TMEM245: variants seen among roughly 807,000 people sequenced by gnomAD.
TMEM245 encodes protein CG-2.
Under a neutral mutation model 101.2 loss-of-function variants are expected in TMEM245, and 69 were observed. That is an observed-to-expected ratio of 0.68 (90% CI 0.56 to 0.83). TMEM245 has a LOEUF of 0.83. TMEM245 is among the 40% of genes least tolerant of loss of function. TMEM245 has a pLI of 0.00. For missense variants in TMEM245, 1,075 were observed against 1,092.8 expected, an observed-to-expected ratio of 0.98 and a Z score of 0.23; for synonymous variants, 537 against 449.8, an observed-to-expected ratio of 1.19 and a Z score of -2.45.
rs1321045416 is a variant in TMEM245, at chr9:109,057,269, C to G, written c.1776G>C (p.Gln592His). Residue 592 changes from glutamine (Q) to histidine (H), a missense_variant, in exon 12 of 18, where the codon CAG (glutamine) becomes CAC (histidine). Coordinates refer to ENST00000374586, the MANE Select transcript of TMEM245 (RefSeq NM_032012.4). Reference protein sequence around the residue: ...HKGQKLHVSRQNSWLGDILDW... With the variant: ...HKGQKLHVSRHNSWLGDILDW... ...CCAGAATGTCTCCCAGCCAGCTATT[C>G]TGACGACTGACATGCAACTTCTGTC... 6.2e-7 allele frequency: 1 copy of G among 1,614,130 alleles called. No homozygotes were observed. The highest frequency in any genetic ancestry group is 8.5e-7 in the Non-Finnish European group (1 of 1,179,982).
intron 8 of TMEM245, among the ~76,000 whole-genome samples, chr9:109,075,508 A>T (rs1383936054): frequency 6.6e-6 from 1 of 152,204 alleles, no homozygotes; most frequent in Non-Finnish European, 1.5e-5. Context: ...CTTGGTAGGA[A>T]GAATTTCAAA....
At chr9:109,022,741 T>C (rs1827669407) in intron 17 of TMEM245, among the ~76,000 whole-genome samples, 1 of 152,194 alleles carries the variant, frequency 6.6e-6, no homozygotes, top group African/African-American at 2.4e-5. Flanking sequence ...AGCTGGCTGC[T>C]GTCTCAGACA....
At chr9:109,095,327 T>C (rs547123882) in intron 3 of TMEM245, among the ~76,000 whole-genome samples, 4 of 152,100 alleles carry the variant, frequency 2.6e-5, no homozygotes, top group Admixed American at 6.5e-5. Context: ...CCAGGGAGTA[T>C]AGTAAAGGTA....
chr9:109,026,430 AAG>A, intron 17 of TMEM245, among the ~76,000 whole-genome samples: 1 of 152,184 alleles, frequency 6.6e-6, no homozygotes, highest in South Asian at 2.1e-4. Flanking sequence ...GTTCGTTAAG[AAG>A]GAAAAATGGG....
intron 5 of TMEM245, among the ~76,000 whole-genome samples, chr9:109,089,145 C>T (rs1829926552): frequency 6.6e-6 from 1 of 151,726 alleles, no homozygotes; most frequent in Non-Finnish European, 1.5e-5. Flanking sequence ...CCTGTAGTCT[C>T]AGCTATCTGA....
chr9:109,065,592 G>A (rs915049313), intron 9 of TMEM245, among the ~76,000 whole-genome samples: 8 of 152,090 alleles, frequency 5.3e-5, no homozygotes, highest in African/African-American at 1.9e-4. Flanking sequence ...AGTGAGAGGT[G>A]GCCTCCTCAT....
rs995120558 is a variant in TMEM245 at position 109,015,641 on chromosome 9, G to A, written c.*4819C>T. On this transcript the variant is annotated 3_prime_UTR_variant, in exon 18 of 18. Transcript: ENST00000374586. ...ATGTCTAGTAAAGAACTCTGGACTT[G>A]GAGTCAGAAGTTCTGCAACTAAATT... The A allele has an allele frequency of 2.0e-5, 3 of 152,628 alleles. No homozygotes were observed. The highest frequency in any genetic ancestry group is 2.0e-4 in the Admixed American group (3 of 15,278). The allele number at this position is 152,628 out of a possible 1,614,324, so 9.5% of individuals were successfully genotyped here. A position where few individuals can be genotyped will look rare whatever the true frequency, so the allele number is the denominator to read the frequency against.
intron 9 of TMEM245, among the ~76,000 whole-genome samples, chr9:109,066,161 A>T (rs751720605): frequency 6.6e-6 from 1 of 152,156 alleles, no homozygotes; most frequent in Non-Finnish European, 1.5e-5. Flanking sequence ...CCACTCAAAC[A>T]TTTCTCAGCA....
chr9:109,061,856 ACCACGC>A (rs1829023931), intron 10 of TMEM245, among the ~76,000 whole-genome samples: 1 of 152,148 alleles, frequency 6.6e-6, no homozygotes, highest in Admixed American at 6.6e-5. Flanking sequence ...GGCATGAGCC[ACCACGC>A]CCACCCATGA....
chr9:109,058,240 G>A (rs184686617), intron 11 of TMEM245, among the ~76,000 whole-genome samples: 7 of 151,752 alleles, frequency 4.6e-5, no homozygotes, highest in South Asian at 2.1e-4. Context: ...TCCTGATCTC[G>A]TGATCCGCCC....
Position 109,033,422 on chromosome 9 carries a change from G to A in TMEM245, c.2479C>T (p.Pro827Ser). Residue 827 changes from proline to serine, a missense_variant, in exon 17 of 18, where the codon CCT becomes TCT. Transcript: ENST00000374586. The stretch of plus-strand genomic sequence containing the variant: ...ACCACAAGTATGCAGAGAAGAATAG[G>A]ACCGATGATTGCTCCTTCCAGGCCT... ...YLGLEGAIIG[P>S]ILLCILVVAS... is the part of the protein sequence containing the mutation. The A allele has an allele frequency of 6.2e-7, 1 of 1,614,120 alleles. No individual in the cohort carries two copies. Among genetic ancestry groups the A allele is most frequent in the Non-Finnish European group, 8.5e-7 (1 of 1,179,998 alleles).
chr9:109,058,134 G>A (rs1464568364), intron 11 of TMEM245, among the ~76,000 whole-genome samples: 2 of 150,860 alleles, frequency 1.3e-5, no homozygotes, highest in African/African-American at 4.9e-5. Context: ...CCGAGTAGCT[G>A]TGACTACGGG....
At chr9:109,043,494 T>C (rs754936678) in intron 14 of TMEM245, among the ~76,000 whole-genome samples, 7 of 152,240 alleles carry the variant, frequency 4.6e-5, no homozygotes, top group Non-Finnish European at 7.3e-5. Context: ...TCAAAAAATA[T>C]CTGCCTTTTC....
At chr9:109,079,900 A>G (rs1829619574) in intron 8 of TMEM245, among the ~76,000 whole-genome samples, 1 of 152,154 alleles carries the variant, frequency 6.6e-6, no homozygotes, top group African/African-American at 2.4e-5. Context: ...GTGACTATAC[A>G]TAATTAATAT....
chr9:109,036,966 C>T (rs1828146566), intron 15 of TMEM245, among the ~76,000 whole-genome samples: 1 of 152,130 alleles, frequency 6.6e-6, no homozygotes, highest in South Asian at 2.1e-4. Flanking sequence ...ATCTATATGA[C>T]AAGTCTACCA....
At chr9:109,087,128 T>C in intron 6 of TMEM245, 45 bp downstream of exon 6, 1 of 1,512,824 alleles carries the variant, frequency 6.6e-7, no homozygotes, top group Non-Finnish European at 8.8e-7. Context: ...AACCACGAAA[T>C]ATATTAACTC....
rs1829748814 is a variant in TMEM245, at chr9:109,083,911, A to AAAAAAAAAC, written c.1344+2085_1344+2086insGTTTTTTTT. ...TCTCTACTAAAAATACAAAAAAAAA[A>AAAAAAAAAC]AAAAAAAAAAAAAAAAAACACCAGG... is the stretch of plus-strand genomic sequence containing the variant. On this transcript the variant is annotated intron_variant, in intron 7 of 17. Coordinates refer to ENST00000374586, the MANE Select transcript of TMEM245 (RefSeq NM_032012.4). 7.1e-5 allele frequency among the ~76,000 whole-genome samples: 8 copies of AAAAAAAAAC among 112,578 alleles called. 1 individual carries two copies. The highest frequency in any genetic ancestry group is 2.8e-4 in the African/African-American group (8 of 28,740). The allele number at this position is 112,578 out of a possible 152,430, so 73.9% of individuals were successfully genotyped here.
At chr9:109,020,723 C>T (rs765764534) in intron 17 of TMEM245, among the ~76,000 whole-genome samples, 8 of 152,338 alleles carry the variant, frequency 5.3e-5, no homozygotes, top group Middle Eastern at 6.8e-3. Context: ...CCAGACTCCC[C>T]TGAAACTACA....
At chr9:109,110,766 C>T (rs1830547376) in intron 1 of TMEM245, among the ~76,000 whole-genome samples, 1 of 152,072 alleles carries the variant, frequency 6.6e-6, no homozygotes, top group African/African-American at 2.4e-5. Flanking sequence ...AAAAGATATC[C>T]TGAAGCCAGA....
Sources: gnomAD v4.1 joint callset for allele counts (sites outside exome capture counted in the v4.1 genomes callset) on GRCh38, gnomAD v4.1.1 for gene constraint, MANE v1.5 for transcripts, NCBI Gene and HGNC (gene_info 2026-07-23, HGNC 2026-07-21) for gene names.